GIGYF2: variants seen among roughly 807,000 people sequenced by gnomAD.
GIGYF2 encodes the protein GRB10 interacting GYF protein 2.
A neutral mutation model predicts 208.1 loss-of-function variants in GIGYF2; 25 were observed. The observed-to-expected ratio is 0.12, with a 90% CI of 0.09 to 0.17. The LOEUF (loss-of-function observed/expected upper bound fraction) is 0.17, where lower values mean the gene tolerates loss of function less well. Ranked by LOEUF, GIGYF2 falls within the 10% of genes least tolerant of loss-of-function variation. The probability of loss-of-function intolerance (pLI) is 1.00; values close to 1 mark genes in which losing one functional copy is unlikely to be tolerated. For synonymous variants in GIGYF2, 534 were observed against 543.8 expected, an observed-to-expected ratio of 0.98 and a Z score of 0.25; for missense variants, 1,302 against 1,579.4, an observed-to-expected ratio of 0.82 and a Z score of 2.98.
Position 232,847,490 on chromosome 2 carries a change from CCAGCAGCGTCAGCAGCAGCAGCTGCCA to C in GIGYF2, c.3611_3637del (p.Arg1204_Gln1212del). ...AGCGCCGTGCCAAACAGAAAGCCAA[CCAGCAGCGTCAGCAGCAGCAGCTGCCA>C]CAGCAGCAGCAGCAGCAGCCGCCAC... On this transcript the variant is annotated inframe_deletion, in exon 27 of 29. Transcript: ENST00000373563. 1 of 1,605,568 alleles carries C rather than the reference CCAGCAGCGTCAGCAGCAGCAGCTGCCA, an allele frequency of 6.2e-7. No individual in the cohort carries two copies. Among genetic ancestry groups the C allele is most frequent in the Non-Finnish European group, 8.5e-7 (1 of 1,178,040 alleles).
chr2:232,829,082 A>G (rs988686096), intron 21 of GIGYF2, among the ~76,000 whole-genome samples: 6 of 152,152 alleles, frequency 3.9e-5, no homozygotes, highest in African/African-American at 1.4e-4. Context: ...TTAGCCATGC[A>G]TTTTCATCTT....
intron 28 of GIGYF2, among the ~76,000 whole-genome samples, chr2:232,851,418 T>TTTTTTCTTTTTC (rs751107616): frequency 1.3e-5 from 2 of 152,018 alleles, no homozygotes. Flanking sequence ...CTAACATTTT[T>TTTTTTCTTTTTC]TTTTTCTTTT....
intron 2 of GIGYF2, among the ~76,000 whole-genome samples, chr2:232,717,091 GGC>G (rs1208979556): frequency 6.6e-6 from 1 of 152,018 alleles, no homozygotes; most frequent in Non-Finnish European, 1.5e-5. Context: ...TGGGATTACA[GGC>G]GTGAGCCACC....
At chr2:232,826,350 C>T (rs1266815500) in intron 21 of GIGYF2, among the ~76,000 whole-genome samples, 1 of 152,218 alleles carries the variant, frequency 6.6e-6, no homozygotes, top group African/African-American at 2.4e-5. Flanking sequence ...TTCTCCACAT[C>T]CTCTCTAGCA....
chr2:232,845,689 A>G (rs1214819364), intron 25 of GIGYF2, 43 bp from the exon 26 acceptor site: 2 of 1,492,368 alleles, frequency 1.3e-6, no homozygotes, highest in South Asian at 2.3e-5. Flanking sequence ...TCATATAGTA[A>G]CAGTTTCTGG....
At chr2:232,798,560 C>T (rs1016720567) in intron 14 of GIGYF2, among the ~76,000 whole-genome samples, 1 of 152,190 alleles carries the variant, frequency 6.6e-6, no homozygotes, top group Non-Finnish European at 1.5e-5. Context: ...TCTCCACATC[C>T]TTATCAGCAT....
At chr2:232,761,174 TTTGGGTCAATA>T (rs1387678157) in intron 7 of GIGYF2, among the ~76,000 whole-genome samples, 1 of 152,142 alleles carries the variant, frequency 6.6e-6, no homozygotes, top group African/African-American at 2.4e-5. Flanking sequence ...AAAATAATAT[TTTGGGTCAATA>T]GAAACAGCTT....
intron 2 of GIGYF2, among the ~76,000 whole-genome samples, chr2:232,716,016 C>G (rs910585882): frequency 5.3e-5 from 8 of 152,062 alleles, no homozygotes; most frequent in African/African-American, 1.9e-4. Context: ...GAGGACAAAT[C>G]ATTAATTTCA....
chr2:232,804,344 G>A (rs969825210), intron 14 of GIGYF2, among the ~76,000 whole-genome samples: 1 of 145,944 alleles, frequency 6.9e-6, no homozygotes, highest in African/African-American at 2.5e-5. Context: ...TTTTCAGCAT[G>A]CATTCTGTAC....
At chr2:232,824,994 A>G (rs1701205952) in intron 21 of GIGYF2, among the ~76,000 whole-genome samples, 1 of 152,248 alleles carries the variant, frequency 6.6e-6, no homozygotes, top group Admixed American at 6.5e-5. Context: ...ATGACAGCAC[A>G]TCTGTTTACA....
intron 8 of GIGYF2, among the ~76,000 whole-genome samples, chr2:232,779,398 T>A (rs1559425687): frequency 6.6e-6 from 1 of 152,350 alleles, no homozygotes; most frequent in East Asian, 1.9e-4. Flanking sequence ...ATTCACTATA[T>A]ATCTATAAAT....
chr2:232,825,849 C>T (rs1489986388), intron 21 of GIGYF2, among the ~76,000 whole-genome samples: 1 of 145,482 alleles, frequency 6.9e-6, no homozygotes, highest in African/African-American at 2.5e-5. Flanking sequence ...TGCTATCCCT[C>T]CCCCAGCCCC....
chr2:232,854,443 A>G (rs1329148541), intron 28 of GIGYF2, among the ~76,000 whole-genome samples: 1 of 152,200 alleles, frequency 6.6e-6, no homozygotes, highest in Non-Finnish European at 1.5e-5. Context: ...CAGTGAGCCA[A>G]GATCACACCA....
At chr2:232,741,124 A>G (rs998948814) in intron 3 of GIGYF2, among the ~76,000 whole-genome samples, 2 of 152,174 alleles carry the variant, frequency 1.3e-5, no homozygotes, top group Non-Finnish European at 2.9e-5. Context: ...TTCCACTTAG[A>G]TGTCTTATAA....
rs1700176314 is a variant in GIGYF2 at position 232,794,833 on chromosome 2, C to T, written c.1368C>T (p.Pro456=). Residue 456 remains proline (P), a synonymous_variant, in exon 13 of 29, where the codon CCC becomes CCT. Transcript: ENST00000373563. ...TTCTCATACTTCCACCTCCTGTTCCCAATCCTAGTCCTACTCTCCGGCCAG... is the reference window on the plus strand; with the variant it reads ...TTCTCATACTTCCACCTCCTGTTCCTAATCCTAGTCCTACTCTCCGGCCAG... The part of the protein sequence containing the change: ...SPLLILPPPV[P]NPSPTLRPVE... 1.2e-6 allele frequency: 2 copies of T among 1,613,744 alleles called. No individual in the cohort carries two copies. Among genetic ancestry groups the T allele is most frequent in the East Asian group, 4.5e-5 (2 of 44,868 alleles).
Position 232,841,856 on chromosome 2 carries a change from T to C in GIGYF2, c.2889+1885T>C, listed in dbSNP as rs114928426. On this transcript the variant is annotated intron_variant, in intron 23 of 28. Transcript: ENST00000373563. ...CTTGAGTTCCTGTTATTTACATGTTTCTCCCAGGACTGATTTTGATTTTCT... is the reference window on the plus strand; with the variant it reads ...CTTGAGTTCCTGTTATTTACATGTTCCTCCCAGGACTGATTTTGATTTTCT... Among the ~76,000 whole-genome samples, 173 of 152,310 alleles carry C rather than the reference T, an allele frequency of 1.1e-3. 1 individual carries two copies. The highest frequency in any genetic ancestry group is 2.7e-3 in the Admixed American group (41 of 15,302).
At chr2:232,769,766 G>A (rs911379044) in intron 8 of GIGYF2, among the ~76,000 whole-genome samples, 5 of 152,054 alleles carry the variant, frequency 3.3e-5, no homozygotes, top group Admixed American at 3.3e-4. Flanking sequence ...TATGTTTTAA[G>A]TGCTTAAAAG....
At chr2:232,830,735 G>A (rs982268767) in intron 21 of GIGYF2, among the ~76,000 whole-genome samples, 7 of 151,866 alleles carry the variant, frequency 4.6e-5, no homozygotes, top group Admixed American at 2.0e-4. Flanking sequence ...TAATCCCCAC[G>A]ACTCAAGAGG....
chr2:232,799,173 T>A (rs1304443810), intron 14 of GIGYF2, among the ~76,000 whole-genome samples: 2 of 152,104 alleles, frequency 1.3e-5, no homozygotes, highest in East Asian at 1.9e-4. Context: ...CCCCTGTAGG[T>A]GTATAACACA....
Sources: gnomAD v4.1 joint callset for allele counts (sites outside exome capture counted in the v4.1 genomes callset) on GRCh38, gnomAD v4.1.1 for gene constraint, MANE v1.5 for transcripts, NCBI Gene and HGNC (gene_info 2026-07-23, HGNC 2026-07-21) for gene names.